KLC1: variants seen among roughly 807,000 people sequenced by gnomAD.
The protein encoded by KLC1 is kinesin 2 60/70kDa.
KLC1 carries 30 observed loss-of-function variants against 84.2 expected under a neutral mutation model. The ratio of observed to expected loss-of-function variants is 0.36; its 90% confidence interval spans 0.27 to 0.48. KLC1 has a LOEUF of 0.48. KLC1 is among the 20% of genes least tolerant of loss of function. The pLI, the probability that KLC1 is intolerant of heterozygous loss-of-function variation, is 0.99. For synonymous variants in KLC1, 289 were observed against 293.3 expected (o/e 0.99, Z 0.15); for missense variants, 499 against 805.4 (o/e 0.62, Z 4.60).
At chr14:103,654,965 G>C in intron 2 of KLC1, 140 bp downstream of exon 2, 1 of 948,420 alleles carries the variant, frequency 1.1e-6, no homozygotes. Context: ...TGTGGCTCAG[G>C]CCTGTAATCC....
intron 1 of KLC1, among the ~76,000 whole-genome samples, chr14:103,634,877 G>A (rs1285450668): frequency 6.6e-6 from 1 of 152,072 alleles, no homozygotes; most frequent in African/African-American, 2.4e-5. Context: ...CACTGCACCC[G>A]GCCTGTTGCC....
intron 1 of KLC1, among the ~76,000 whole-genome samples, chr14:103,633,181 C>CTGAGTA: frequency 6.6e-6 from 1 of 152,014 alleles, no homozygotes; most frequent in African/African-American, 2.4e-5. Context: ...CCTCAGCCTC[C>CTGAGTA]CGAGTAGCTG....
intron 5 of KLC1, among the ~76,000 whole-genome samples, chr14:103,668,632 C>T (rs888702037): frequency 6.6e-6 from 1 of 151,992 alleles, no homozygotes; most frequent in Admixed American, 6.6e-5. Flanking sequence ...CGCATGCTGC[C>T]ATGCCCGGCT....
At chr14:103,697,018 G>A (rs1388423406) in intron 15 of KLC1, 4 of 985,362 alleles carry the variant, frequency 4.1e-6, no homozygotes, top group African/African-American at 1.7e-5. Flanking sequence ...GAGCTTCCAG[G>A]CGTGTTTTCT....
Position 103,657,574 on chromosome 14 carries a change from A to G in KLC1, c.290A>G (p.Asn97Ser), listed in dbSNP as rs1233224089. ...ATGATGGCTTTGTCAAATCACCTGA[A>G]TGCTGTGGAGTCCGAGAAGCAGAAA... ...QVMMALSNHL[N>S]AVESEKQKLR... The change falls in exon 3 of 17, where the codon AAT (asparagine) becomes AGT (serine). Residue 97 changes from asparagine (N) to serine (S), a missense_variant. Asn to Ser is a conservative substitution (Grantham distance 46). This residue lies in a region of KLC1 where 179 missense variants were observed against 264.2 expected (regional missense o/e 0.68). Transcript: ENST00000334553. 1.2e-6 allele frequency: 2 copies of G among 1,614,184 alleles called. No homozygotes were observed. The highest frequency in any genetic ancestry group is 1.7e-5 in the Admixed American group (1 of 60,014).
intron 3 of KLC1, among the ~76,000 whole-genome samples, chr14:103,659,304 A>T (rs756245466): frequency 2.0e-5 from 3 of 152,180 alleles, no homozygotes; most frequent in Non-Finnish European, 4.4e-5. Context: ...TAAATTTTGG[A>T]ATTATTTTAT....
chr14:103,648,140 G>A (rs977944959), intron 1 of KLC1, among the ~76,000 whole-genome samples: 7 of 151,814 alleles, frequency 4.6e-5, no homozygotes, highest in Non-Finnish European at 1.0e-4. Context: ...TATTAGAGAC[G>A]GGGTTTCACC....
At chr14:103,689,303 C>T (rs861546) in intron 14 of KLC1, among the ~76,000 whole-genome samples, 148,763 of 152,262 alleles carry the variant, frequency 0.98, 72,694 homozygotes, top group African/African-American at 0.99. Flanking sequence ...GTTCTGTTTT[C>T]TCGTGTTTTG....
chr14:103,629,853 C>T (rs2076539203), intron 1 of KLC1, among the ~76,000 whole-genome samples: 1 of 152,150 alleles, frequency 6.6e-6, no homozygotes, highest in Non-Finnish European at 1.5e-5. Flanking sequence ...CTGCGGGCGG[C>T]GGCGGCCGTT....
intron 15 of KLC1, chr14:103,698,677 G>C: frequency 2.2e-6 from 2 of 894,280 alleles, no homozygotes; most frequent in Non-Finnish European, 3.6e-6. Context: ...CCGCTGCCCT[G>C]GAAGAGCTGT....
At chr14:103,701,062 G>A (rs2083157188) in intron 16 of KLC1, 139 bp from the exon 17 acceptor site, 1 of 1,067,772 alleles carries the variant, frequency 9.4e-7, no homozygotes, top group African/African-American at 1.6e-5. Flanking sequence ...TCGGCCCCAG[G>A]GAGGCTCACA....
At chr14:103,648,733 G>A (rs566378849) in intron 1 of KLC1, among the ~76,000 whole-genome samples, 2 of 152,274 alleles carry the variant, frequency 1.3e-5, no homozygotes, top group South Asian at 2.1e-4. Flanking sequence ...CCCAGGAGGT[G>A]GAGGTTGTAA....
intron 15 of KLC1, chr14:103,696,498 A>G: frequency 2.0e-6 from 2 of 985,408 alleles, no homozygotes; most frequent in Non-Finnish European, 2.4e-6. Flanking sequence ...CAGGTTTTCC[A>G]TTGTCATAAC....
chr14:103,695,657 G>T, intron 15 of KLC1: 3 of 985,442 alleles, frequency 3.0e-6, no homozygotes, highest in Non-Finnish European at 3.6e-6. Context: ...ATATGGAGTT[G>T]AATTTTAACC....
At chr14:103,664,542 A>AT (rs1002404405) in intron 5 of KLC1, among the ~76,000 whole-genome samples, 6 of 150,722 alleles carry the variant, frequency 4.0e-5, no homozygotes, top group African/African-American at 7.3e-5. Flanking sequence ...TTGCAAAAAA[A>AT]TTTTTTTTTT....
chr14:103,665,102 C>T (rs1461571714), intron 5 of KLC1, among the ~76,000 whole-genome samples: 1 of 151,816 alleles, frequency 6.6e-6, no homozygotes, highest in East Asian at 1.9e-4. Flanking sequence ...ATTCAGTATT[C>T]TACCTTTCAG....
intron 13 of KLC1, chr14:103,682,782 G>A (rs2081474192): frequency 6.9e-6 from 1 of 144,384 alleles, no homozygotes; most frequent in African/African-American, 2.6e-5. Context: ...GTATGTATAT[G>A]TATTTTTTTT....
At chr14:103,641,092 T>C (rs1410625508) in intron 1 of KLC1, among the ~76,000 whole-genome samples, 1 of 152,130 alleles carries the variant, frequency 6.6e-6, no homozygotes, top group Non-Finnish European at 1.5e-5. Context: ...GCCTGGCTAA[T>C]TTTTGTACTT....
rs774621299 is a variant in KLC1 at position 103,662,962 on chromosome 14, T to G, written c.797+35T>G. The stretch of plus-strand genomic sequence containing the variant: ...TTTTGTTTACCTACTGAATTTTACC[T>G]AGAGACAATGTTTTTAACCATCTTG... On this transcript the variant is annotated intron_variant, in intron 5 of 16. Coordinates refer to ENST00000334553, the MANE Select transcript of KLC1 (RefSeq NM_001394837.1). 2.8e-6 allele frequency: 4 copies of G among 1,436,288 alleles called. No homozygotes were observed. The Admixed American group carries it at 8.4e-5, about 30-fold the overall frequency. The allele number at this position is 1,436,288 out of a possible 1,614,324, so 89.0% of individuals were successfully genotyped here.
Sources: allele counts gnomAD v4.1 joint callset (sites outside exome capture counted in the v4.1 genomes callset), GRCh38; gene constraint gnomAD v4.1.1; regional missense constraint gnomAD v4.1.1; transcripts MANE v1.5; gene names NCBI Gene and HGNC (gene_info 2026-07-23, HGNC 2026-07-21).